Variants in TAFA1 observed in about 807,000 individuals in gnomAD.
The protein encoded by TAFA1 is TAFA chemokine like family member 1.
TAFA1 carries 4 observed loss-of-function variants against 18.5 expected under a neutral mutation model. The observed-to-expected ratio is 0.22, with a 90% CI of 0.11 to 0.49. The LOEUF is 0.49. Among genes scored for constraint, TAFA1 ranks in the 20% least tolerant of loss-of-function variants. The pLI, the probability that TAFA1 is intolerant of heterozygous loss-of-function variation, is 0.98. For missense variants in TAFA1, 147 were observed against 169.0 expected, an observed-to-expected ratio of 0.87 and a Z score of 0.72; for synonymous variants, 56 against 55.2, an observed-to-expected ratio of 1.01 and a Z score of -0.06.
intron 2 of TAFA1, among the ~76,000 whole-genome samples, chr3:68,266,834 T>C (rs541405876): frequency 2.8e-4 from 43 of 152,254 alleles, no homozygotes; most frequent in South Asian, 8.3e-4. Context: ...CTCTCAGCGA[T>C]AAGTATGTGG....
chr3:68,234,177 G>A (rs1575695954), intron 2 of TAFA1, among the ~76,000 whole-genome samples: 1 of 152,138 alleles, frequency 6.6e-6, no homozygotes, highest in African/African-American at 2.4e-5. Flanking sequence ...CCCCACTATG[G>A]CATTTGAGAG....
At chr3:68,199,240 C>G (rs1016985817) in intron 2 of TAFA1, among the ~76,000 whole-genome samples, 8 of 151,526 alleles carry the variant, frequency 5.3e-5, no homozygotes, top group African/African-American at 1.9e-4. Context: ...TTTACCAATA[C>G]CACACTGTCT....
At chr3:68,320,408 GC>G (rs2068681284) in intron 2 of TAFA1, among the ~76,000 whole-genome samples, 1 of 152,184 alleles carries the variant, frequency 6.6e-6, no homozygotes, top group Non-Finnish European at 1.5e-5. Flanking sequence ...AGGCTCTTGT[GC>G]CAGCTGGATC....
At chr3:68,491,703 T>G (rs2072457121) in intron 3 of TAFA1, among the ~76,000 whole-genome samples, 2 of 151,826 alleles carry the variant, frequency 1.3e-5, no homozygotes, top group African/African-American at 4.8e-5. Context: ...ATAAATAAAT[T>G]TTAAAAAAGA....
chr3:68,410,248 C>A (rs912457582), intron 2 of TAFA1, among the ~76,000 whole-genome samples: 1 of 152,076 alleles, frequency 6.6e-6, no homozygotes, highest in African/African-American at 2.4e-5. Context: ...TAGAGAGATG[C>A]CCCATGGAGT....
At chr3:68,046,677 C>T (rs750684841) in intron 2 of TAFA1, among the ~76,000 whole-genome samples, 2 of 152,092 alleles carry the variant, frequency 1.3e-5, no homozygotes, top group Non-Finnish European at 2.9e-5. Context: ...TCACATAACA[C>T]TTTATATGGT....
chr3:68,430,880 A>G (rs755214655), intron 3 of TAFA1, among the ~76,000 whole-genome samples: 4 of 152,042 alleles, frequency 2.6e-5, no homozygotes, highest in African/African-American at 4.8e-5. Flanking sequence ...AATTCTGCTT[A>G]CTGTCTGAAG....
At chr3:68,061,827 C>T (rs922351435) in intron 2 of TAFA1, among the ~76,000 whole-genome samples, 1 of 152,126 alleles carries the variant, frequency 6.6e-6, no homozygotes, top group Admixed American at 6.5e-5. Context: ...AAACACCCTT[C>T]AGGAAAGGAG....
chr3:68,221,771 T>G (rs1396160288), intron 2 of TAFA1, among the ~76,000 whole-genome samples: 3 of 152,202 alleles, frequency 2.0e-5, no homozygotes, highest in South Asian at 4.1e-4. Context: ...AGATTCTCAA[T>G]GAATATGATC....
At chr3:68,311,036 A>G (rs1476968828) in intron 2 of TAFA1, among the ~76,000 whole-genome samples, 3 of 152,188 alleles carry the variant, frequency 2.0e-5, no homozygotes, top group Non-Finnish European at 2.9e-5. Context: ...GGTGGAAGGC[A>G]AGGAGGATCA....
In TAFA1 at chr3:68,078,520, AG is replaced by A. The variant is rs1248490803; in HGVS notation, c.118+71779del. The stretch of plus-strand genomic sequence containing the variant: ...AATTTATTGAGAGTTTTTAGCATGA[AG>A]GGTTGTTGAATTTTGTCAGAGGCCT... On this transcript the variant is annotated intron_variant, in intron 2 of 4. Transcript: ENST00000478136. 1.4e-4 allele frequency among the ~76,000 whole-genome samples: 21 copies of A among 152,234 alleles called. No homozygotes were observed. The South Asian group carries it at 2.1e-3, about 15-fold the overall frequency.
At chr3:68,393,766 G>A (rs547291786) in intron 2 of TAFA1, among the ~76,000 whole-genome samples, 34 of 151,920 alleles carry the variant, frequency 2.2e-4, no homozygotes, top group South Asian at 1.9e-3. Flanking sequence ...CAAAAATTAC[G>A]TGATTATCTC....
At chr3:68,337,951 T>C (rs2069003672) in intron 2 of TAFA1, among the ~76,000 whole-genome samples, 1 of 152,234 alleles carries the variant, frequency 6.6e-6, no homozygotes. Flanking sequence ...GACCACATGG[T>C]TGAATTTTCT....
chr3:68,263,426 A>G (rs1415402549), intron 2 of TAFA1, among the ~76,000 whole-genome samples: 1 of 128,596 alleles, frequency 7.8e-6, no homozygotes, highest in Non-Finnish European at 1.6e-5. Flanking sequence ...GGTAGAACAG[A>G]TACTTTAACC....
At chr3:68,122,000 T>C (rs991776308) in intron 2 of TAFA1, among the ~76,000 whole-genome samples, 4 of 152,134 alleles carry the variant, frequency 2.6e-5, no homozygotes, top group Admixed American at 6.5e-5. Flanking sequence ...AACAAAGCAC[T>C]CTGCTAGGCC....
chr3:68,177,580 T>C (rs899274482), intron 2 of TAFA1, among the ~76,000 whole-genome samples: 2 of 152,188 alleles, frequency 1.3e-5, no homozygotes, highest in Non-Finnish European at 2.9e-5. Flanking sequence ...AGTTTAAATG[T>C]AGTTTTAGGC....
At chr3:68,106,298 T>C (rs1575619184) in intron 2 of TAFA1, among the ~76,000 whole-genome samples, 1 of 152,078 alleles carries the variant, frequency 6.6e-6, no homozygotes, top group African/African-American at 2.4e-5. Flanking sequence ...GCTATCCAAG[T>C]GGAATACTGA....
At position 68,035,785 on chromosome 3, in the gene TAFA1, T is replaced by C. The variant is rs143237210; in HGVS notation, c.118+29041T>C. 2.3e-3 allele frequency among the ~76,000 whole-genome samples: 346 copies of C among 152,316 alleles called. 1 individual carries two copies. Among genetic ancestry groups the C allele is most frequent in the Non-Finnish European group, 3.6e-3 (247 of 68,024 alleles). On this transcript the variant is annotated intron_variant, in intron 2 of 4. Coordinates refer to ENST00000478136, the MANE Select transcript of TAFA1 (RefSeq NM_213609.4). ...GGAACTGAAGACACTCCAAATGTCC[T>C]TTAATGGGTTGGATAGATAAACAAA...
chr3:68,030,088 A>G (rs765662676), intron 2 of TAFA1, among the ~76,000 whole-genome samples: 7 of 152,194 alleles, frequency 4.6e-5, no homozygotes, highest in Admixed American at 1.3e-4. Flanking sequence ...GATGTTTTGT[A>G]AGATGAAGAA....
Sources: gnomAD v4.1 joint callset for allele counts (sites outside exome capture counted in the v4.1 genomes callset) on GRCh38, gnomAD v4.1.1 for gene constraint, MANE v1.5 for transcripts, NCBI Gene and HGNC (gene_info 2026-07-23, HGNC 2026-07-21) for gene names.